Variants in COL14A1 observed in about 807,000 individuals in gnomAD.
The protein encoded by COL14A1 is collagen alpha-1(XIV) chain.
In COL14A1, 136 loss-of-function variants were observed where a neutral mutation model predicts 230.3. The observed-to-expected ratio is 0.59, with a 90% CI of 0.51 to 0.68. COL14A1 has a LOEUF of 0.68. Ranked by LOEUF, COL14A1 falls within the 30% of genes least tolerant of loss-of-function variation. COL14A1 has a pLI of 0.00. For synonymous variants in COL14A1, 792 were observed against 784.1 expected, an observed-to-expected ratio of 1.01 and a Z score of -0.17; for missense variants, 1,976 against 2,215.8, an observed-to-expected ratio of 0.89 and a Z score of 2.17.
chr8:120,192,554 G>A lies in COL14A1; in HGVS notation c.437-4237G>A, dbSNP rs1301789185. 3.3e-5 allele frequency among the ~76,000 whole-genome samples: 5 copies of A among 152,198 alleles called. No homozygotes were observed. The East Asian group carries it at 9.7e-4, about 29-fold the overall frequency. ...GTTGCTCTTCTCGAGGAGTATCTTT[G>A]TGGCGTTCTCTGTATTTCCTGAATC... On this transcript the variant is annotated intron_variant, in intron 5 of 47. Coordinates refer to ENST00000297848, the MANE Select transcript of COL14A1 (RefSeq NM_021110.4).
At chr8:120,254,385 T>C (rs1335494045) in intron 22 of COL14A1, among the ~76,000 whole-genome samples, 2 of 152,186 alleles carry the variant, frequency 1.3e-5, no homozygotes, top group African/African-American at 4.8e-5. Flanking sequence ...TAAAATCTTT[T>C]ATTTTTAAAT....
chr8:120,154,847 T>C (rs376178551), intron 2 of COL14A1, among the ~76,000 whole-genome samples: 21 of 152,294 alleles, frequency 1.4e-4, no homozygotes, highest in African/African-American at 4.6e-4. Context: ...TGGTATAAAA[T>C]GTACACAAAG....
At chr8:120,194,839 T>C (rs1816971239) in intron 5 of COL14A1, among the ~76,000 whole-genome samples, 1 of 152,194 alleles carries the variant, frequency 6.6e-6, no homozygotes, top group Admixed American at 6.5e-5. Context: ...TCTTGAAGCT[T>C]AACCAGACTT....
At chr8:120,209,206 C>G (rs540002390) in intron 11 of COL14A1, among the ~76,000 whole-genome samples, 196 of 152,090 alleles carry the variant, frequency 1.3e-3, no homozygotes, top group African/African-American at 4.3e-3. Context: ...CCGATCTCTA[C>G]AAAAAATACA....
chr8:120,203,394 A>G (rs1165416643), intron 8 of COL14A1, among the ~76,000 whole-genome samples: 1 of 151,916 alleles, frequency 6.6e-6, no homozygotes, highest in East Asian at 1.9e-4. Context: ...ACACAAGCAT[A>G]TAACAGCTTT....
intron 23 of COL14A1, among the ~76,000 whole-genome samples, chr8:120,261,455 A>G (rs933958849): frequency 4.6e-5 from 7 of 152,246 alleles, no homozygotes; most frequent in African/African-American, 1.7e-4. Flanking sequence ...TGTTATAATT[A>G]AATAGCAAGC....
intron 2 of COL14A1, 152 bp from the exon 3 acceptor site, chr8:120,157,978 C>T (rs1354507709): frequency 6.6e-6 from 3 of 452,626 alleles, no homozygotes; most frequent in Admixed American, 4.4e-5. Context: ...GAGCGAGACT[C>T]CCTCTCAAAA....
intron 26 of COL14A1, among the ~76,000 whole-genome samples, chr8:120,273,860 A>G (rs1315146814): frequency 6.6e-6 from 1 of 151,348 alleles, no homozygotes; most frequent in Admixed American, 6.6e-5. Flanking sequence ...ACTACCAGAC[A>G]TTCAAAGAAG....
intron 23 of COL14A1, among the ~76,000 whole-genome samples, chr8:120,257,403 G>A (rs1819190255): frequency 6.6e-6 from 1 of 152,212 alleles, no homozygotes; most frequent in African/African-American, 2.4e-5. Flanking sequence ...CAACTGGACA[G>A]CAAAAGATTC....
chr8:120,338,591 T>C (rs1209295785), intron 42 of COL14A1, among the ~76,000 whole-genome samples: 1 of 152,214 alleles, frequency 6.6e-6, no homozygotes, highest in Non-Finnish European at 1.5e-5. Flanking sequence ...AGGAGTATTG[T>C]AAGCACTAAA....
At chr8:120,308,266 G>A (rs189559827) in intron 36 of COL14A1, among the ~76,000 whole-genome samples, 1 of 152,366 alleles carries the variant, frequency 6.6e-6, no homozygotes, top group African/African-American at 2.4e-5. Flanking sequence ...ACAGGCGTGA[G>A]CCAGTGCGCC....
chr8:120,149,441 A>G (rs1312110997), intron 2 of COL14A1, among the ~76,000 whole-genome samples: 1 of 152,192 alleles, frequency 6.6e-6, no homozygotes, highest in Admixed American at 6.5e-5. Flanking sequence ...TGTTGATGAA[A>G]GAATGCTTTT....
chr8:120,371,215 G>A lies in COL14A1; in HGVS notation c.5375G>A (p.Trp1792Ter). The change falls in exon 48 of 48, where the codon TGG becomes TAG. Residue 1792 changes from tryptophan (W) to a stop codon, truncating the protein, a stop_gained. Transcript: ENST00000297848. LOFTEE classifies it high-confidence loss of function. ...VQDELEAMEL[W>*]GPGV is the part of the protein sequence containing the mutation. ...GATGAGCTGGAAGCCATGGAACTGT[G>A]GGGCCCTGGAGTCTGATAGCCTCAG... 1.2e-6 allele frequency: 2 copies of A among 1,611,252 alleles called. No individual in the cohort carries two copies. Among genetic ancestry groups the A allele is most frequent in the South Asian group, 1.1e-5 (1 of 90,700 alleles).
At chr8:120,194,633 A>AT (rs1816962044) in intron 5 of COL14A1, among the ~76,000 whole-genome samples, 1 of 152,144 alleles carries the variant, frequency 6.6e-6, no homozygotes, top group African/African-American at 2.4e-5. Flanking sequence ...ATTGGAAGTT[A>AT]TTTTTTAAAC....
intron 17 of COL14A1, among the ~76,000 whole-genome samples, chr8:120,227,944 T>A (rs1818148820): frequency 6.6e-6 from 1 of 152,152 alleles, no homozygotes; most frequent in Non-Finnish European, 1.5e-5. Context: ...AGTTGGGAGA[T>A]GCTTACGTAA....
intron 40 of COL14A1, among the ~76,000 whole-genome samples, chr8:120,319,297 C>T (rs376431477): frequency 9.9e-5 from 15 of 152,080 alleles, no homozygotes; most frequent in African/African-American, 3.1e-4. Flanking sequence ...GCTGGGACTG[C>T]GGGTTTGCAC....
intron 47 of COL14A1, 122 bp from the exon 48 acceptor site, chr8:120,371,030 A>C: frequency 9.7e-7 from 1 of 1,031,330 alleles, no homozygotes; most frequent in Non-Finnish European, 1.4e-6. Context: ...TGGTGGATTA[A>C]GACATCCACT....
At chr8:120,294,108 T>G (rs1586838640) in intron 34 of COL14A1, among the ~76,000 whole-genome samples, 1 of 151,758 alleles carries the variant, frequency 6.6e-6, no homozygotes, top group South Asian at 2.1e-4. Context: ...GATATTTATA[T>G]AAATTCAGGT....
chr8:120,258,969 A>G (rs1437732303), intron 23 of COL14A1, among the ~76,000 whole-genome samples: 1 of 152,150 alleles, frequency 6.6e-6, no homozygotes. Flanking sequence ...CCACAACTTG[A>G]TGAACTTCTT....
Sources: allele counts gnomAD v4.1 joint callset (sites outside exome capture counted in the v4.1 genomes callset), GRCh38; gene constraint gnomAD v4.1.1; transcripts MANE v1.5; gene names NCBI Gene and HGNC (gene_info 2026-07-23, HGNC 2026-07-21).